Variants in ANKUB1 observed in about 807,000 individuals in gnomAD.
The protein encoded by ANKUB1 is ankyrin repeat and ubiquitin domain containing 1, also known as protein ANKUB1.
A neutral mutation model predicts 49.3 loss-of-function variants in ANKUB1; 42 were observed. The observed-to-expected ratio is 0.85, with a 90% CI of 0.67 to 1.10. ANKUB1 has a LOEUF of 1.10. Ranked by LOEUF, ANKUB1 falls within the 50% of genes least tolerant of loss-of-function variation. ANKUB1 has a pLI of 0.00. For missense variants in ANKUB1, 613 were observed against 642.0 expected (o/e 0.95, Z 0.49); for synonymous variants, 222 against 231.0 (o/e 0.96, Z 0.35).
rs1717806743 is a variant in ANKUB1 at position 149,780,371 on chromosome 3, T to A, written c.319A>T (p.Lys107Ter). The A allele has an allele frequency of 1.9e-5, 29 of 1,552,024 alleles. No homozygotes were observed. The highest frequency in any genetic ancestry group is 2.4e-5 in the Non-Finnish European group (28 of 1,147,066). ...PVMESISLLD[K>*]TVSDLRTLVT... ...AGTGTTCTCAGATCAGACACTGTTTTATCAAGAAGGGAAATGCTCTCCATT... is the reference window on the plus strand; with the variant it reads ...AGTGTTCTCAGATCAGACACTGTTTAATCAAGAAGGGAAATGCTCTCCATT... Residue 107 changes from lysine to a stop codon, truncating the protein, a stop_gained, in exon 3 of 6, where the codon AAA (lysine) becomes TAA (stop). Coordinates refer to ENST00000446160, the MANE Select transcript of ANKUB1 (RefSeq NM_001144960.3). LOFTEE classifies it high-confidence loss of function.
At chr3:149,766,015 C>A (rs1365626460) in intron 5 of ANKUB1, among the ~76,000 whole-genome samples, 1 of 152,138 alleles carries the variant, frequency 6.6e-6, no homozygotes, top group South Asian at 2.1e-4. Context: ...AACAATCTAG[C>A]CTTGTTTTTT....
chr3:149,772,313 G>T lies in ANKUB1; in HGVS notation c.452-1639C>A, dbSNP rs138056820. ...TGGAATTACAGGTGTGAGCCATTGC[G>T]CCCGGCATCCTTCTCATTTTTTCAT... is the stretch of plus-strand genomic sequence containing the variant. On this transcript the variant is annotated intron_variant, in intron 3 of 5. Transcript: ENST00000446160. Among the ~76,000 whole-genome samples, 65 of 152,188 alleles carry T rather than the reference G, an allele frequency of 4.3e-4. No homozygotes were observed. The South Asian group carries it at 4.4e-3, about 10-fold the overall frequency.
Position 149,761,325 on chromosome 3 carries a change from T to C in ANKUB1, c.*159A>G, listed in dbSNP as rs1716774186. The C allele has an allele frequency of 1.2e-6, 1 of 820,980 alleles. No individual in the cohort carries two copies. The highest frequency in any genetic ancestry group is 1.8e-6 in the Non-Finnish European group (1 of 557,938). 50.9% of individuals were successfully genotyped at this position (820,980 alleles called of 1,614,324 possible). A position where few individuals can be genotyped will look rare whatever the true frequency, so the allele number is the denominator to read the frequency against. ...TAAAGTTTCACTTAGTGTGATGAAG[T>C]CTGAGAAAACATGGTGTTAAATATC... On this transcript the variant is annotated 3_prime_UTR_variant, in exon 6 of 6. Transcript: ENST00000446160.
Position 149,768,075 on chromosome 3 carries a change from A to G in ANKUB1, c.587T>C (p.Leu196Pro). The part of the protein sequence containing the change: ...PVLKYQKRVA[L>P]YIAAFCGYIE... ...GTACCCACAAAAAGCAGCAATGTAC[A>G]GGGCTACCCTTTTCTGATACCTAAA... The change falls in exon 5 of 6, where the codon CTG becomes CCG. Residue 196 changes from leucine to proline, a missense_variant. By Grantham distance (98) the Leu-to-Pro change is moderately conservative. Coordinates refer to ENST00000446160, the MANE Select transcript of ANKUB1 (RefSeq NM_001144960.3). 1 of 1,403,834 alleles carries G rather than the reference A, an allele frequency of 7.1e-7. No individual in the cohort carries two copies. The highest frequency in any genetic ancestry group is 9.3e-7 in the Non-Finnish European group (1 of 1,071,148). 87.0% of individuals were successfully genotyped at this position (1,403,834 alleles called of 1,614,324 possible).
chr3:149,790,799 A>G lies in ANKUB1; in HGVS notation c.216T>C (p.Thr72=). 6.4e-7 allele frequency: 1 copy of G among 1,551,434 alleles called. No individual in the cohort carries two copies. Among genetic ancestry groups the G allele is most frequent in the Non-Finnish European group, 8.7e-7 (1 of 1,146,852 alleles). ...LADVGISFCS[T]LKCFVKEEDK... ...ATCATACCTTAACAAAGCATTTGAG[A>G]GTTGAACAGAAAGATATTCCAACAT... Residue 72 remains threonine (T), a synonymous_variant, in exon 2 of 6, where the codon ACT becomes ACC. Transcript: ENST00000446160.
At chr3:149,772,226 G>A (rs1473247393) in intron 3 of ANKUB1, among the ~76,000 whole-genome samples, 1 of 151,956 alleles carries the variant, frequency 6.6e-6, no homozygotes, top group Non-Finnish European at 1.5e-5. Flanking sequence ...TCACCATGTT[G>A]GTCAGGCTAA....
rs528523753 is a variant in ANKUB1 at position 149,766,789 on chromosome 3, C to T, written c.1505+368G>A. 14 of 1,095,724 alleles carry T rather than the reference C, an allele frequency of 1.3e-5. 2 individuals are homozygous for T. Among genetic ancestry groups the T allele is most frequent in the Admixed American group, 1.0e-4 (5 of 49,290 alleles). The allele number at this position is 1,095,724 out of a possible 1,614,324, so 67.9% of individuals were successfully genotyped here. A position where few individuals can be genotyped will look rare whatever the true frequency, so the allele number is the denominator to read the frequency against. On this transcript the variant is annotated intron_variant, in intron 5 of 5. Coordinates refer to ENST00000446160, the MANE Select transcript of ANKUB1 (RefSeq NM_001144960.3). ...CTCCAGCCTGAGCAACAGAACGAGA[C>T]CCTGTCTCAAACAAAAAGAAAAAAG... is the stretch of plus-strand genomic sequence containing the variant.
rs749733005 is a variant in ANKUB1, at chr3:149,780,431, C to T, written c.259G>A (p.Val87Met). The change falls in exon 3 of 6, where the codon GTG (valine) becomes ATG (methionine). Residue 87 changes from valine (V) to methionine (M), a missense_variant. Val to Met is a conservative substitution (Grantham distance 21, BLOSUM62 1). Transcript: ENST00000446160. ...GTGTCTTGAGTTACAGCATTGAACA[C>T]GTATAGAGTAGGCTTGTCTTCTTCC... is the stretch of plus-strand genomic sequence containing the variant. ...VKEEDKPTLY[V>M]FNAVTQDTMP... 1.4e-5 allele frequency: 22 copies of T among 1,551,912 alleles called. No individual in the cohort carries two copies. In the South Asian group the frequency reaches 1.8e-4, roughly 13 times the overall value.
intron 3 of ANKUB1, among the ~76,000 whole-genome samples, chr3:149,772,043 T>TA (rs1717389142): frequency 6.7e-6 from 1 of 149,540 alleles, no homozygotes. Context: ...TTTTTTTTTT[T>TA]AGACGGAGTC....
In ANKUB1 at chr3:149,767,588, G is replaced by A; in HGVS notation, c.1074C>T (p.Thr358=). 1 of 1,551,676 alleles carries A rather than the reference G, an allele frequency of 6.4e-7. No individual in the cohort carries two copies. The highest frequency in any genetic ancestry group is 8.7e-7 in the Non-Finnish European group (1 of 1,146,984). ...TCCCAGCCTTATGCCAGCTCTTGGA[G>A]GTCATTTTTGGTTTGGTGAAACCAT... is the stretch of plus-strand genomic sequence containing the variant. The part of the protein sequence containing the change: ...MVDGFTKPKM[T]SKSWHKAGNS... The change falls in exon 5 of 6, where the codon ACC becomes ACT. Residue 358 remains threonine (T), a synonymous_variant. Transcript: ENST00000446160.
In ANKUB1 at chr3:149,767,967, T is replaced by C. The variant is rs1364060905; in HGVS notation, c.695A>G (p.His232Arg). ...VGVHPYRAWC[H>R]EALHADVSKC... ...AGAGACATCTGCATGAAGGGCTTCA[T>C]GGCACCATGCTCGATAGGGGTGAAC... The change falls in exon 5 of 6, where the codon CAT becomes CGT. Residue 232 changes from histidine to arginine, a missense_variant. By Grantham distance (29) the His-to-Arg change is conservative. Coordinates refer to ENST00000446160, the MANE Select transcript of ANKUB1 (RefSeq NM_001144960.3). The C allele has an allele frequency of 2.6e-6, 4 of 1,541,846 alleles. No individual in the cohort carries two copies. The highest frequency in any genetic ancestry group is 3.5e-6 in the Non-Finnish European group (4 of 1,139,522).
At chr3:149,791,251 T>C (rs1718345278) in intron 1 of ANKUB1, among the ~76,000 whole-genome samples, 1 of 152,236 alleles carries the variant, frequency 6.6e-6, no homozygotes, top group Non-Finnish European at 1.5e-5. Context: ...TGTTTTCATA[T>C]CACATTATAG....
intron 3 of ANKUB1, among the ~76,000 whole-genome samples, chr3:149,774,297 C>T (rs2108269741): frequency 6.6e-6 from 1 of 152,210 alleles, no homozygotes; most frequent in South Asian, 2.1e-4. Context: ...TTCATTCATT[C>T]ATTCACTACC....
At chr3:149,770,814 G>C (rs1717322025) in intron 3 of ANKUB1, 140 bp from the exon 4 acceptor site, 1 of 606,656 alleles carries the variant, frequency 1.6e-6, no homozygotes. Context: ...AAGGAGACAG[G>C]GATGGTATTT....
intron 1 of ANKUB1, among the ~76,000 whole-genome samples, chr3:149,791,928 A>T (rs1718375929): frequency 6.6e-6 from 1 of 152,176 alleles, no homozygotes; most frequent in Non-Finnish European, 1.5e-5. Context: ...GATGACTGGC[A>T]TGTCCCACGT....
At chr3:149,784,915 CT>C (rs759946165) in intron 2 of ANKUB1, among the ~76,000 whole-genome samples, 1 of 152,110 alleles carries the variant, frequency 6.6e-6, no homozygotes, top group Non-Finnish European at 1.5e-5. Flanking sequence ...TATTTAATAC[CT>C]ATTTATGTAC....
intron 2 of ANKUB1, among the ~76,000 whole-genome samples, chr3:149,782,639 T>G (rs1717919594): frequency 6.6e-6 from 1 of 152,082 alleles, no homozygotes. Flanking sequence ...CTCAAACTCC[T>G]AGACTCAAGC....
At chr3:149,779,654 A>G (rs1250671121) in intron 3 of ANKUB1, 2 of 154,220 alleles carry the variant, frequency 1.3e-5, no homozygotes, top group Non-Finnish European at 2.9e-5. Context: ...AGCATGTATC[A>G]TATGCTACCT....
chr3:149,762,048 A>G (rs1716805141), intron 5 of ANKUB1, among the ~76,000 whole-genome samples: 1 of 152,242 alleles, frequency 6.6e-6, no homozygotes, highest in South Asian at 2.1e-4. Flanking sequence ...TTAATGTTTT[A>G]TGATAGTTAT....
Sources: allele counts gnomAD v4.1 joint callset (sites outside exome capture counted in the v4.1 genomes callset), GRCh38; gene constraint gnomAD v4.1.1; transcripts MANE v1.5; gene names NCBI Gene and HGNC (gene_info 2026-07-23, HGNC 2026-07-21).